The following CNST variants were observed in gnomAD, a reference collection of about 807,000 sequenced individuals.
CNST encodes the protein consortin, connexin sorting protein.
In CNST, 39 loss-of-function variants were observed where a neutral mutation model predicts 72.4. The observed-to-expected ratio is 0.54, with a 90% CI of 0.42 to 0.70. The LOEUF (loss-of-function observed/expected upper bound fraction) is 0.70. Ranked by LOEUF, CNST falls within the 30% of genes least tolerant of loss-of-function variation. CNST has a pLI of 0.00. For missense variants in CNST, 871 were observed against 868.5 expected (o/e 1.00, Z -0.04); for synonymous variants, 332 against 320.1 (o/e 1.04, Z -0.40).
intron 2 of CNST, among the ~76,000 whole-genome samples, chr1:246,605,312 A>T (rs1662642282): frequency 6.6e-6 from 1 of 152,226 alleles, no homozygotes; most frequent in South Asian, 2.1e-4. Context: ...ACGGTGACTC[A>T]CACTTATAAT....
intron 8 of CNST, 42 bp from the exon 9 acceptor site, chr1:246,647,097 G>A (rs1216451636): frequency 6.5e-7 from 1 of 1,549,158 alleles, no homozygotes; most frequent in East Asian, 2.2e-5. Context: ...TATACAAAGT[G>A]TTGTTTTGAA....
At chr1:246,579,878 G>A (rs1480017830) in intron 1 of CNST, among the ~76,000 whole-genome samples, 1 of 152,178 alleles carries the variant, frequency 6.6e-6, no homozygotes, top group Non-Finnish European at 1.5e-5. Flanking sequence ...GATGACTTTA[G>A]CAGTTTCCCA....
In CNST at chr1:246,611,927, G is replaced by A. The variant is rs114917759; in HGVS notation, c.380-9502G>A. On this transcript the variant is annotated intron_variant, in intron 2 of 10. Coordinates refer to ENST00000366513, the MANE Select transcript of CNST (RefSeq NM_152609.3). ...GGAATGCTAATCTGATACACGCTAC[G>A]TATGGTTGGATGGATGCTACAGCAC... 3.3e-5 allele frequency among the ~76,000 whole-genome samples: 5 copies of A among 152,320 alleles called. No individual in the cohort carries two copies. In the South Asian group the frequency reaches 6.2e-4, roughly 19 times the overall value.
chr1:246,660,248 C>T lies in CNST; in HGVS notation c.1886C>T (p.Thr629Ile). 1 of 1,612,062 alleles carries T rather than the reference C, an allele frequency of 6.2e-7. No homozygotes were observed. Among genetic ancestry groups the T allele is most frequent in the South Asian group, 1.1e-5 (1 of 91,002 alleles). ...LVSILKKRND[T>I]VGDHPAQMQH... ...TCCATATTAAAGAAGAGGAATGATA[C>T]TGTAGGAGATCATCCTGCCCAAATG... is the stretch of plus-strand genomic sequence containing the variant. Residue 629 changes from threonine (T) to isoleucine (I), a missense_variant, in exon 10 of 11, where the codon ACT (threonine) becomes ATT (isoleucine). By Grantham distance (89) the Thr-to-Ile change is moderately conservative. Coordinates refer to ENST00000366513, the MANE Select transcript of CNST (RefSeq NM_152609.3).
At position 246,567,161 on chromosome 1, in the gene CNST, CTTAAAG is replaced by C. The variant is rs576534022; in HGVS notation, c.-52+503_-52+508del. On this transcript the variant is annotated intron_variant, in intron 1 of 10. Transcript: ENST00000366513. Reference sequence around the variant, plus strand: ...TTTTTCAGTTTGTGTGTTTAAAAGACTTAAAGTTAAGATTAAAAATGAAGATGTAAA... The same window carrying C: ...TTTTTCAGTTTGTGTGTTTAAAAGACTTAAGATTAAAAATGAAGATGTAAA... 1.4e-3 allele frequency among the ~76,000 whole-genome samples: 206 copies of C among 152,032 alleles called. 1 individual carries two copies. Among genetic ancestry groups the C allele is most frequent in the African/African-American group, 4.7e-3 (193 of 41,492 alleles).
In CNST at chr1:246,613,939, C is replaced by T. The variant is rs189048757; in HGVS notation, c.380-7490C>T. Among the ~76,000 whole-genome samples the T allele has an allele frequency of 3.4e-3, 515 of 151,760 alleles. 5 individuals carry two copies. The highest frequency in any genetic ancestry group is 0.011 in the African/African-American group (468 of 41,374). On this transcript the variant is annotated intron_variant, in intron 2 of 10. Coordinates refer to ENST00000366513, the MANE Select transcript of CNST (RefSeq NM_152609.3). ...GAACTCCTGACCTCAGGTGATCCAC[C>T]TGCCTTGGCCTCCCAAAGTGCTGAG...
intron 9 of CNST, among the ~76,000 whole-genome samples, chr1:246,652,839 C>T (rs888927983): frequency 2.0e-5 from 3 of 150,302 alleles, no homozygotes; most frequent in Admixed American, 2.0e-4. Context: ...CCCGTCTCTA[C>T]TAAAAATACA....
At chr1:246,664,558 C>A (rs1032396231) in intron 10 of CNST, among the ~76,000 whole-genome samples, 3 of 152,096 alleles carry the variant, frequency 2.0e-5, no homozygotes, top group African/African-American at 7.2e-5. Context: ...TCCTGAGTAG[C>A]TGAGACTATA....
At chr1:246,634,383 T>C (rs918223125) in intron 5 of CNST, 90 bp from the exon 6 acceptor site, 2 of 697,120 alleles carry the variant, frequency 2.9e-6, no homozygotes, top group Non-Finnish European at 4.8e-6. Context: ...TGCAAATCTT[T>C]ATGAGTGGTG....
rs538347531 is a variant in CNST at position 246,592,922 on chromosome 1, A to AT, written c.379+989dup. ...CCTTGGGAAAAGGCAGCCTCTGGTT[A>AT]TTTTTTTTATCAGAAACATATGGGA... On this transcript the variant is annotated intron_variant, in intron 2 of 10. Coordinates refer to ENST00000366513, the MANE Select transcript of CNST (RefSeq NM_152609.3). 2.5e-3 allele frequency among the ~76,000 whole-genome samples: 374 copies of AT among 152,042 alleles called. 3 individuals carry two copies. Among genetic ancestry groups the AT allele is most frequent in the African/African-American group, 8.3e-3 (345 of 41,502 alleles).
intron 2 of CNST, among the ~76,000 whole-genome samples, chr1:246,599,706 T>C (rs1254946324): frequency 2.0e-5 from 3 of 152,202 alleles, no homozygotes; most frequent in Admixed American, 2.0e-4. Flanking sequence ...GTTCTGGGTA[T>C]GGGGACATGG....
chr1:246,620,593 G>A (rs112944842), intron 2 of CNST, among the ~76,000 whole-genome samples: 2 of 136,544 alleles, frequency 1.5e-5, no homozygotes, highest in Admixed American at 7.3e-5. Flanking sequence ...CAGGGAGGAC[G>A]GCTTCAGTCG....
chr1:246,663,572 C>G (rs1667229969), intron 10 of CNST, among the ~76,000 whole-genome samples: 1 of 152,064 alleles, frequency 6.6e-6, no homozygotes, highest in Non-Finnish European at 1.5e-5. Flanking sequence ...GAAACCCCAT[C>G]TCTATAACAA....
intron 2 of CNST, among the ~76,000 whole-genome samples, chr1:246,605,721 CCGGGG>C (rs1558550144): frequency 9.1e-6 from 1 of 110,140 alleles, no homozygotes; most frequent in East Asian, 3.2e-4. Flanking sequence ...TGTCTTCCGG[CCGGGG>C]TAGGTGTCTT....
At chr1:246,613,229 T>C (rs1042499154) in intron 2 of CNST, among the ~76,000 whole-genome samples, 1 of 152,200 alleles carries the variant, frequency 6.6e-6, no homozygotes, top group African/African-American at 2.4e-5. Flanking sequence ...GGTTAAGCTA[T>C]ACTATCTCAC....
At chr1:246,618,465 A>G (rs1663839846) in intron 2 of CNST, among the ~76,000 whole-genome samples, 1 of 152,192 alleles carries the variant, frequency 6.6e-6, no homozygotes, top group African/African-American at 2.4e-5. Context: ...CCTGACAGAT[A>G]ATCCTTTTGT....
At chr1:246,655,112 CT>C (rs1666702292) in intron 9 of CNST, among the ~76,000 whole-genome samples, 1 of 152,152 alleles carries the variant, frequency 6.6e-6, no homozygotes, top group Admixed American at 6.5e-5. Flanking sequence ...ATTTCTTTTT[CT>C]ATTTTGTACT....
intron 10 of CNST, among the ~76,000 whole-genome samples, chr1:246,664,677 C>A (rs12084505): frequency 3.3e-5 from 5 of 151,632 alleles, no homozygotes; most frequent in Admixed American, 6.6e-5. Context: ...CCGCCCGCCT[C>A]AGCCTCCCAA....
intron 9 of CNST, among the ~76,000 whole-genome samples, chr1:246,657,917 A>G (rs1034867384): frequency 2.0e-5 from 3 of 152,206 alleles, no homozygotes; most frequent in East Asian, 1.9e-4. Flanking sequence ...AGAAAGATCA[A>G]TTAAGAGCAA....
Sources: allele counts gnomAD v4.1 joint callset (sites outside exome capture counted in the v4.1 genomes callset), GRCh38; gene constraint gnomAD v4.1.1; transcripts MANE v1.5; gene names NCBI Gene and HGNC (gene_info 2026-07-23, HGNC 2026-07-21).